The following REPS1 variants were observed in gnomAD, a reference collection of about 807,000 sequenced individuals.
REPS1 encodes the protein ralBP1-associated Eps domain-containing protein 1.
REPS1 carries 39 observed loss-of-function variants against 100.9 expected under a neutral mutation model. That is an observed-to-expected ratio of 0.39 (90% CI 0.30 to 0.50). The LOEUF (loss-of-function observed/expected upper bound fraction) is 0.50. Ranked by LOEUF, REPS1 falls within the 20% of genes least tolerant of loss-of-function variation. The pLI is 0.86. For synonymous variants in REPS1, 324 were observed against 340.3 expected (o/e 0.95, Z 0.53); for missense variants, 821 against 968.5 (o/e 0.85, Z 2.02).
rs535546233 is a variant in REPS1 at position 138,973,543 on chromosome 6, AT to A, written c.153+13986del. Among the ~76,000 whole-genome samples the A allele has an allele frequency of 1.0e-3, 129 of 128,398 alleles. 1 individual carries two copies. Among genetic ancestry groups the A allele is most frequent in the South Asian group, 6.0e-3 (27 of 4,530 alleles). The allele number at this position is 128,398 out of a possible 152,430, so 84.2% of individuals were successfully genotyped here. On this transcript the variant is annotated intron_variant, in intron 1 of 19. Transcript: ENST00000450536. ...TCAGTCAAAGTCTGAATAAGAAAAC[AT>A]TTTTGAAGGAGTAATACACAAGCGT...
At chr6:138,957,099 C>A (rs1446997647) in intron 1 of REPS1, among the ~76,000 whole-genome samples, 1 of 151,348 alleles carries the variant, frequency 6.6e-6, no homozygotes, top group African/African-American at 2.4e-5. Flanking sequence ...TCTACAAATA[C>A]AGAGAAAATA....
intron 1 of REPS1, among the ~76,000 whole-genome samples, chr6:138,978,059 T>C (rs1427149666): frequency 6.6e-6 from 1 of 151,814 alleles, no homozygotes; most frequent in Non-Finnish European, 1.5e-5. Context: ...AAATACCTAT[T>C]CAATGGGCTT....
intron 1 of REPS1, among the ~76,000 whole-genome samples, chr6:138,969,859 A>ATTTTTTTTTTTTTTTTTTTTTTTTT (rs56070030): frequency 6.3e-5 from 6 of 94,634 alleles, no homozygotes; most frequent in Non-Finnish European, 7.8e-5. Flanking sequence ...GTGAATTGGG[A>ATTTTTTTTTTTTTTTTTTTTTTTTT]TTTTTTTTTT....
intron 10 of REPS1, among the ~76,000 whole-genome samples, chr6:138,921,750 A>G (rs535491413): frequency 6.4e-4 from 97 of 151,610 alleles, no homozygotes; most frequent in African/African-American, 2.3e-3. Context: ...GCTAATTTTT[A>G]TATTTTTAGT....
chr6:138,969,444 C>G (rs2128499607), intron 1 of REPS1, among the ~76,000 whole-genome samples: 1 of 145,418 alleles, frequency 6.9e-6, no homozygotes, highest in African/African-American at 2.6e-5. Flanking sequence ...ACCACTGCAG[C>G]TGGCCAATTT....
At chr6:138,913,002 T>A in intron 15 of REPS1, 52 bp from the exon 16 acceptor site, 1 of 1,455,234 alleles carries the variant, frequency 6.9e-7, no homozygotes, top group South Asian at 1.3e-5. Context: ...CCTATCAGTG[T>A]CACAGAGTCA....
intron 1 of REPS1, among the ~76,000 whole-genome samples, chr6:138,984,140 C>G (rs1049797647): frequency 6.8e-6 from 1 of 147,490 alleles, no homozygotes; most frequent in East Asian, 2.0e-4. Flanking sequence ...AGTGCAGTGG[C>G]GCGATCTTGG....
In REPS1 at chr6:138,945,625, G is replaced by A. The variant is rs544803378; in HGVS notation, c.350C>T (p.Ser117Phe). 5 of 1,613,788 alleles carry A rather than the reference G, an allele frequency of 3.1e-6. No homozygotes were observed. In the African/African-American group the frequency reaches 5.3e-5, roughly 17 times the overall value. The part of the protein sequence containing the change: ...EQESRHAASY[S>F]SDSENQGSYS... The stretch of plus-strand genomic sequence containing the variant: ...CGACCCTTGATTTTCAGAATCTGAA[G>A]AATATGAGGCTGCATGGCGAGATTC... The change falls in exon 3 of 20, where the codon TCT becomes TTT. Residue 117 changes from serine to phenylalanine, a missense_variant. Physicochemically the swap from Ser to Phe is radical, Grantham distance 155. Around this residue, in one of 3 missense-constraint regions of REPS1, gnomAD observed 757 missense variants for 866.4 expected, o/e 0.87. Transcript: ENST00000450536.
chr6:138,949,466 C>T (rs570508301), intron 1 of REPS1, among the ~76,000 whole-genome samples: 7 of 152,170 alleles, frequency 4.6e-5, no homozygotes, highest in African/African-American at 1.7e-4. Flanking sequence ...GTGGCTCATG[C>T]CTGTAATCAC....
At position 138,911,290 on chromosome 6, in the gene REPS1, C is replaced by T. The variant is rs1014656295; in HGVS notation, c.2053G>A (p.Ala685Thr). 1 of 1,605,978 alleles carries T rather than the reference C, an allele frequency of 6.2e-7. No homozygotes were observed. Among genetic ancestry groups the T allele is most frequent in the Admixed American group, 1.7e-5 (1 of 59,990 alleles). Residue 685 changes from alanine to threonine, a missense_variant, in exon 17 of 20, where the codon GCT becomes ACT. By Grantham distance (58) the Ala-to-Thr change is moderately conservative. This residue lies in a region of REPS1 where 757 missense variants were observed against 866.4 expected (regional missense o/e 0.87). Transcript: ENST00000450536. ...ATTTTGCATACCACATTGGCAGGAG[C>T]ACTAGCAGCTGTCTTTTCTTCAGTT... is the stretch of plus-strand genomic sequence containing the variant. ...SKTEEKTAAS[A>T]PANVSKGTTP... is the part of the protein sequence containing the mutation.
At chr6:138,957,507 C>A (rs1315836225) in intron 1 of REPS1, among the ~76,000 whole-genome samples, 2 of 152,156 alleles carry the variant, frequency 1.3e-5, no homozygotes, top group Non-Finnish European at 2.9e-5. Flanking sequence ...CTCCTGTGAA[C>A]CCATTCTTGG....
intron 1 of REPS1, among the ~76,000 whole-genome samples, chr6:138,982,007 A>G (rs1784983681): frequency 6.6e-6 from 1 of 152,214 alleles, no homozygotes; most frequent in South Asian, 2.1e-4. Context: ...AAACACATTG[A>G]CTGTGACTTC....
chr6:138,929,754 C>T (rs1052740348), intron 9 of REPS1: 1 of 361,062 alleles, frequency 2.8e-6, no homozygotes, highest in African/African-American at 2.1e-5. Flanking sequence ...TCTCTAAACT[C>T]ACAAGGTTTT....
intron 1 of REPS1, among the ~76,000 whole-genome samples, chr6:138,966,655 A>G (rs938688615): frequency 4.6e-5 from 7 of 152,190 alleles, no homozygotes; most frequent in Non-Finnish European, 1.0e-4. Flanking sequence ...GCCCAGTAGT[A>G]CATTCATCTA....
chr6:138,955,457 AGTGTGTGTGTGTGT>A (rs1554294151), intron 1 of REPS1, among the ~76,000 whole-genome samples: 10 of 90,734 alleles, frequency 1.1e-4, no homozygotes, highest in South Asian at 1.1e-3. Context: ...AAAAAAAAAA[AGTGTGTGTGTGTGT>A]GTGTGTGTGT....
chr6:138,984,143 G>A (rs886578800), intron 1 of REPS1, among the ~76,000 whole-genome samples: 4 of 148,842 alleles, frequency 2.7e-5, no homozygotes, highest in African/African-American at 5.0e-5. Flanking sequence ...GCAGTGGCGC[G>A]ATCTTGGCTC....
chr6:138,951,619 T>G (rs1230150636), intron 1 of REPS1, among the ~76,000 whole-genome samples: 3 of 152,174 alleles, frequency 2.0e-5, no homozygotes, highest in South Asian at 4.1e-4. Flanking sequence ...GCAAACTACT[T>G]TTTTCTCTCT....
chr6:138,932,250 A>G (rs916022129), intron 8 of REPS1, among the ~76,000 whole-genome samples: 16 of 152,098 alleles, frequency 1.1e-4, no homozygotes, highest in African/African-American at 3.4e-4. Context: ...CTTTACCGCT[A>G]TTTCAATAGA....
chr6:138,984,078 C>CTTTTT (rs748774209), intron 1 of REPS1, among the ~76,000 whole-genome samples: 3 of 134,446 alleles, frequency 2.2e-5, no homozygotes, highest in Non-Finnish European at 3.2e-5. Context: ...CTCTCTCTCT[C>CTTTTT]TTTTTTTTTT....
Sources: gnomAD v4.1 joint callset for allele counts (sites outside exome capture counted in the v4.1 genomes callset) on GRCh38, gnomAD v4.1.1 for gene constraint, gnomAD v4.1.1 regional missense constraint, MANE v1.5 for transcripts, NCBI Gene and HGNC (gene_info 2026-07-23, HGNC 2026-07-21) for gene names.